Variants in CSNK1G2 observed in about 807,000 individuals in gnomAD.
CSNK1G2 encodes the protein casein kinase I isoform gamma-2.
Under a neutral mutation model 48.0 loss-of-function variants are expected in CSNK1G2, and 11 were observed. That is an observed-to-expected ratio of 0.23 (90% CI 0.14 to 0.38). The LOEUF is 0.38. Ranked by LOEUF, CSNK1G2 falls within the 10% of genes least tolerant of loss-of-function variation. The probability of loss-of-function intolerance (pLI) is 1.00; values close to 1 mark genes in which losing one functional copy is unlikely to be tolerated. For synonymous variants in CSNK1G2, 337 were observed against 254.1 expected (o/e 1.33, Z -3.10); for missense variants, 446 against 595.5 (o/e 0.75, Z 2.61).
intron 1 of CSNK1G2, among the ~76,000 whole-genome samples, chr19:1,964,174 T>C (rs552135040): frequency 3.3e-5 from 5 of 152,106 alleles, no homozygotes; most frequent in African/African-American, 1.2e-4. Flanking sequence ...GTGCCTGTAG[T>C]TCCAGCTACT....
chr19:1,968,488 C>T (rs985119444), intron 1 of CSNK1G2, among the ~76,000 whole-genome samples: 2 of 152,180 alleles, frequency 1.3e-5, no homozygotes, highest in African/African-American at 2.4e-5. Flanking sequence ...CTCCAGAGAG[C>T]GACCTGCACA....
intron 1 of CSNK1G2, among the ~76,000 whole-genome samples, chr19:1,947,244 C>T (rs1435779364): frequency 6.6e-6 from 1 of 152,206 alleles, no homozygotes. Context: ...TGGACAGAGT[C>T]CCTGCCTGTG....
At chr19:1,944,155 C>T (rs1177481012) in intron 1 of CSNK1G2, among the ~76,000 whole-genome samples, 2 of 152,042 alleles carry the variant, frequency 1.3e-5, no homozygotes, top group Non-Finnish European at 2.9e-5. Flanking sequence ...TGGCCGTGCG[C>T]GTGTTGGGTC....
chr19:1,977,209 C>T (rs1351215416), intron 2 of CSNK1G2, among the ~76,000 whole-genome samples: 1 of 152,222 alleles, frequency 6.6e-6, no homozygotes, highest in African/African-American at 2.4e-5. Context: ...CCAGTGCCAT[C>T]CTGGGCTGGA....
rs1413812507 is a variant in CSNK1G2 at position 1,979,925 on chromosome 19, C to T, written c.1101C>T (p.Thr367=). The T allele has an allele frequency of 6.9e-6, 11 of 1,605,790 alleles. No individual in the cohort carries two copies. Among genetic ancestry groups the T allele is most frequent in the Non-Finnish European group, 9.4e-6 (11 of 1,176,132 alleles). Residue 367 remains threonine (T), a synonymous_variant, in exon 11 of 12, where the codon ACC becomes ACT. Coordinates refer to ENST00000255641, the MANE Select transcript of CSNK1G2 (RefSeq NM_001319.7). Reference sequence around the variant, plus strand: ...GCCCCCACCAGGCGTTGAACTCCACCAACGGGGAGCTGAATGCGGACGACC... The same window carrying T: ...GCCCCCACCAGGCGTTGAACTCCACTAACGGGGAGCTGAATGCGGACGACC... ...PHSKNQALNS[T]NGELNADDPT...
chr19:1,944,462 A>T (rs1383770778), intron 1 of CSNK1G2, among the ~76,000 whole-genome samples: 1 of 151,824 alleles, frequency 6.6e-6, no homozygotes, highest in African/African-American at 2.4e-5. Flanking sequence ...GGTAGAGGAG[A>T]AGGTGGTGTT....
chr19:1,950,883 C>T (rs2014738318), intron 1 of CSNK1G2, among the ~76,000 whole-genome samples: 1 of 146,032 alleles, frequency 6.8e-6, no homozygotes, highest in Non-Finnish European at 1.5e-5. Flanking sequence ...GGTATCATGG[C>T]GGAGCGTGTT....
intron 2 of CSNK1G2, among the ~76,000 whole-genome samples, chr19:1,976,443 A>G (rs181642613): frequency 6.6e-6 from 1 of 152,106 alleles, no homozygotes. Context: ...CTGATTGGAA[A>G]CTGTGCTGAA....
At chr19:1,976,985 T>C (rs1335782094) in intron 2 of CSNK1G2, among the ~76,000 whole-genome samples, 12 of 152,172 alleles carry the variant, frequency 7.9e-5, no homozygotes, top group Non-Finnish European at 1.5e-4. Context: ...GTGATCCGCC[T>C]GCGTCAGCCT....
In CSNK1G2 at chr19:1,946,092, C is replaced by G. The variant is rs74690420; in HGVS notation, c.-266+4674C>G. 6.9e-3 allele frequency among the ~76,000 whole-genome samples: 1,046 copies of G among 152,138 alleles called. 11 individuals carry two copies. Among genetic ancestry groups the G allele is most frequent in the African/African-American group, 0.024 (995 of 41,508 alleles). On this transcript the variant is annotated intron_variant, in intron 1 of 11. Transcript: ENST00000255641. ...TTCCCGGGAGAGGTGGGAAGTGCATCCCGTGGCCTATCCCGGGGAGGTCAC... is the reference window on the plus strand; with the variant it reads ...TTCCCGGGAGAGGTGGGAAGTGCATGCCGTGGCCTATCCCGGGGAGGTCAC...
intron 1 of CSNK1G2, chr19:1,954,130 T>C: frequency 3.0e-6 from 1 of 332,294 alleles, no homozygotes; most frequent in South Asian, 2.3e-5. Flanking sequence ...CCTGATGCGT[T>C]AAACCCATTA....
At chr19:1,953,772 C>T (rs753096396) in intron 1 of CSNK1G2, 2 of 466,468 alleles carry the variant, frequency 4.3e-6, no homozygotes, top group East Asian at 5.9e-5. Context: ...AGCCTTGCCC[C>T]CTCCCCCCGC....
At position 1,965,362 on chromosome 19, in the gene CSNK1G2, G is replaced by C. The variant is rs1414903690; in HGVS notation, c.-265-4146G>C. ...TGTGCCACTGCACTCCAGCCTGGGCGACAGAGCGAGACTCCGTTTCCAAAA... is the reference window on the plus strand; with the variant it reads ...TGTGCCACTGCACTCCAGCCTGGGCCACAGAGCGAGACTCCGTTTCCAAAA... On this transcript the variant is annotated intron_variant, in intron 1 of 11. Transcript: ENST00000255641. 4.3e-5 allele frequency among the ~76,000 whole-genome samples: 6 copies of C among 139,096 alleles called. No homozygotes were observed. In the East Asian group the frequency reaches 1.4e-3, roughly 33 times the overall value. 91.3% of individuals were successfully genotyped at this position (139,096 alleles called of 152,430 possible). A position where few individuals can be genotyped will look rare whatever the true frequency, so the allele number is the denominator to read the frequency against.
At position 1,951,734 on chromosome 19, in the gene CSNK1G2, G is replaced by A. The variant is rs1188640115; in HGVS notation, c.-266+10316G>A. ...CTCACTGTGTCGCCCAGGCTGGAGT[G>A]CAGTGGTGTGATCTCCGTTCACTGC... is the stretch of plus-strand genomic sequence containing the variant. On this transcript the variant is annotated intron_variant, in intron 1 of 11. Transcript: ENST00000255641. Among the ~76,000 whole-genome samples, 2 of 144,768 alleles carry A rather than the reference G, an allele frequency of 1.4e-5. 1 individual carries two copies. Among genetic ancestry groups the A allele is most frequent in the Non-Finnish European group, 3.0e-5 (2 of 66,828 alleles). 95.0% of individuals were successfully genotyped at this position (144,768 alleles called of 152,430 possible).
At chr19:1,975,236 G>C in intron 2 of CSNK1G2, 1 of 985,488 alleles carries the variant, frequency 1.0e-6, no homozygotes, top group African/African-American at 1.7e-5. Context: ...GCGAGCATCC[G>C]CCTGCCCGTC....
At chr19:1,968,419 CCGT>C (rs2015451950) in intron 1 of CSNK1G2, among the ~76,000 whole-genome samples, 1 of 152,210 alleles carries the variant, frequency 6.6e-6, no homozygotes, top group Admixed American at 6.5e-5. Context: ...GTCCTGCCTC[CCGT>C]CGGGGCCTGC....
intron 1 of CSNK1G2, among the ~76,000 whole-genome samples, chr19:1,944,023 G>A (rs1269199306): frequency 6.6e-6 from 1 of 152,114 alleles, no homozygotes; most frequent in Non-Finnish European, 1.5e-5. Context: ...GAACCCAGAG[G>A]GGACACAGGG....
chr19:1,967,183 A>G (rs1225647972), intron 1 of CSNK1G2, among the ~76,000 whole-genome samples: 1 of 152,174 alleles, frequency 6.6e-6, no homozygotes, highest in Non-Finnish European at 1.5e-5. Flanking sequence ...TGATCCCCAC[A>G]GGGTGTTTCT....
chr19:1,949,640 G>T (rs1336721443), intron 1 of CSNK1G2, among the ~76,000 whole-genome samples: 2 of 152,378 alleles, frequency 1.3e-5, no homozygotes, highest in East Asian at 3.9e-4. Flanking sequence ...TCTAGCGGTG[G>T]AACCGCTGGT....
Sources: gnomAD v4.1 joint callset for allele counts (sites outside exome capture counted in the v4.1 genomes callset) on GRCh38, gnomAD v4.1.1 for gene constraint, MANE v1.5 for transcripts, NCBI Gene and HGNC (gene_info 2026-07-23, HGNC 2026-07-21) for gene names.